Variants in ZC3H14 observed in about 807,000 individuals in gnomAD.
ZC3H14 encodes the protein zinc finger CCCH domain-containing protein 14.
A neutral mutation model predicts 92.4 loss-of-function variants in ZC3H14; 31 were observed. The observed-to-expected ratio is 0.34, with a 90% CI of 0.25 to 0.45. The LOEUF is 0.45. Ranked by LOEUF, ZC3H14 falls within the 20% of genes least tolerant of loss-of-function variation. The pLI, the probability that ZC3H14 is intolerant of heterozygous loss-of-function variation, is 1.00. For synonymous variants in ZC3H14, 321 were observed against 300.9 expected (o/e 1.07, Z -0.69); for missense variants, 781 against 897.3 (o/e 0.87, Z 1.66).
At chr14:88,597,206 T>C (rs2083954599) in intron 10 of ZC3H14, among the ~76,000 whole-genome samples, 1 of 152,142 alleles carries the variant, frequency 6.6e-6, no homozygotes, top group Non-Finnish European at 1.5e-5. Flanking sequence ...TGGAGTCTTA[T>C]CACCAGGGCC....
At chr14:88,574,081 A>T (rs1186755924) in intron 6 of ZC3H14, among the ~76,000 whole-genome samples, 2 of 152,114 alleles carry the variant, frequency 1.3e-5, no homozygotes, top group African/African-American at 4.8e-5. Flanking sequence ...GTTTCAATCA[A>T]TTTTAGATTG....
intron 9 of ZC3H14, among the ~76,000 whole-genome samples, chr14:88,581,657 G>A (rs1004263121): frequency 6.6e-6 from 1 of 152,154 alleles, no homozygotes; most frequent in Non-Finnish European, 1.5e-5. Context: ...TCCTGGAATG[G>A]CTCAACATCC....
chr14:88,607,193 C>T, intron 12 of ZC3H14, 50 bp from the exon 13 acceptor site: 1 of 1,613,366 alleles, frequency 6.2e-7, no homozygotes, highest in Non-Finnish European at 8.5e-7. Flanking sequence ...GTGCTGTGTA[C>T]TGAATTGATC....
rs1239834087 is a variant in ZC3H14, at chr14:88,616,756, CTT to C, written c.*5006_*5007del. ...TTTCTGGACATGGGAAGTCAAATAA[CTT>C]AACCATGCCAAAGTCATCTCCTGTA... On this transcript the variant is annotated 3_prime_UTR_variant, in exon 17 of 17. Coordinates refer to ENST00000251038, the MANE Select transcript of ZC3H14 (RefSeq NM_024824.5). The C allele has an allele frequency of 1.2e-6, 2 of 1,613,544 alleles. No individual in the cohort carries two copies. Among genetic ancestry groups the C allele is most frequent in the Admixed American group, 1.7e-5 (1 of 59,982 alleles).
At position 88,621,344 on chromosome 14, in the gene ZC3H14, G is replaced by A. The variant is rs770007064; in HGVS notation, c.*9593G>A. 3.1e-6 allele frequency: 5 copies of A among 1,604,922 alleles called. No homozygotes were observed. Among genetic ancestry groups the A allele is most frequent in the Non-Finnish European group, 4.3e-6 (5 of 1,172,904 alleles). On this transcript the variant is annotated 3_prime_UTR_variant, in exon 17 of 17. Coordinates refer to ENST00000251038, the MANE Select transcript of ZC3H14 (RefSeq NM_024824.5). Reference sequence around the variant, plus strand: ...CCAATACAGTGAATGTAATACAACAGCTGCTTTTCTTCTTCATAATATAAA... The same window carrying A: ...CCAATACAGTGAATGTAATACAACAACTGCTTTTCTTCTTCATAATATAAA...
chr14:88,606,590 G>A (rs1328134492), intron 12 of ZC3H14, among the ~76,000 whole-genome samples: 1 of 151,824 alleles, frequency 6.6e-6, no homozygotes, highest in Non-Finnish European at 1.5e-5. Context: ...GGCAACGTGG[G>A]GAAACCCTGT....
chr14:88,617,638 A>T lies in ZC3H14; in HGVS notation c.*5887A>T, dbSNP rs999534492. 1.9e-4 allele frequency: 29 copies of T among 152,164 alleles called. No homozygotes were observed. The highest frequency in any genetic ancestry group is 6.3e-4 in the African/African-American group (26 of 41,408). The allele number at this position is 152,164 out of a possible 1,614,324, so 9.4% of individuals were successfully genotyped here. ...AAAAATGACTTATGACATAGGAATT[A>T]AAAAAATTTCAGAGATGGGGTCTTG... On this transcript the variant is annotated 3_prime_UTR_variant, in exon 17 of 17. Coordinates refer to ENST00000251038, the MANE Select transcript of ZC3H14 (RefSeq NM_024824.5).
At chr14:88,611,319 C>G (rs1023067360) in intron 16 of ZC3H14, among the ~76,000 whole-genome samples, 3 of 152,016 alleles carry the variant, frequency 2.0e-5, no homozygotes, top group African/African-American at 7.3e-5. Flanking sequence ...TCTTGAACTC[C>G]TGAGCTGAAG....
At chr14:88,584,541 C>G (rs1247578899) in intron 9 of ZC3H14, among the ~76,000 whole-genome samples, 1 of 152,184 alleles carries the variant, frequency 6.6e-6, no homozygotes, top group Non-Finnish European at 1.5e-5. Flanking sequence ...GCAGTAATAG[C>G]TACATAAGAT....
chr14:88,589,991 A>G (rs1308929498), intron 9 of ZC3H14: 1 of 152,230 alleles, frequency 6.6e-6, no homozygotes, highest in Non-Finnish European at 1.5e-5. Context: ...TTAGCTGGGC[A>G]TGATGGCACA....
chr14:88,620,370 C>T lies in ZC3H14; in HGVS notation c.*8619C>T, dbSNP rs1461986160. The T allele has an allele frequency of 6.2e-6, 1 of 162,042 alleles. No individual in the cohort carries two copies. Among genetic ancestry groups the T allele is most frequent in the Non-Finnish European group, 1.3e-5 (1 of 75,078 alleles). 10.0% of individuals were successfully genotyped at this position (162,042 alleles called of 1,614,324 possible). A position where few individuals can be genotyped will look rare whatever the true frequency, so the allele number is the denominator to read the frequency against. ...AATTAATGAACTACATATTCCCAAA[C>T]TGAGGTTACTAAGAGAAGATATGTT... On this transcript the variant is annotated 3_prime_UTR_variant, in exon 17 of 17. Coordinates refer to ENST00000251038, the MANE Select transcript of ZC3H14 (RefSeq NM_024824.5). The surrounding 1 kb of genome is among the most constrained non-coding windows in gnomAD (Gnocchi z 4.3).
At position 88,615,148 on chromosome 14, in the gene ZC3H14, TCGAAAA is replaced by T. The variant is rs2087391606; in HGVS notation, c.*3398_*3403del. On this transcript the variant is annotated 3_prime_UTR_variant, in exon 17 of 17. Coordinates refer to ENST00000251038, the MANE Select transcript of ZC3H14 (RefSeq NM_024824.5). ...TGGCATCTGAACATAAACTGATGGC[TCGAAAA>T]TGAAAATGGAAATGTAGCAGCCATA... is the stretch of plus-strand genomic sequence containing the variant. 2 of 152,166 alleles carry T rather than the reference TCGAAAA, an allele frequency of 1.3e-5. No individual in the cohort carries two copies. The highest frequency in any genetic ancestry group is 1.3e-4 in the Admixed American group (2 of 15,268). 9.4% of individuals were successfully genotyped at this position (152,166 alleles called of 1,614,324 possible).
At chr14:88,588,972 G>A (rs2082772743) in intron 9 of ZC3H14, among the ~76,000 whole-genome samples, 1 of 152,014 alleles carries the variant, frequency 6.6e-6, no homozygotes, top group African/African-American at 2.4e-5. Flanking sequence ...CATCTCAACT[G>A]TCTGAAGATC....
intron 13 of ZC3H14, 116 bp from the exon 14 acceptor site, chr14:88,609,147 CTGTT>C: frequency 2.5e-6 from 3 of 1,178,264 alleles, no homozygotes; most frequent in Non-Finnish European, 3.6e-6. Flanking sequence ...CTTTTTGTTG[CTGTT>C]TTTTTTGCAT....
chr14:88,574,553 ATT>A, intron 6 of ZC3H14, 138 bp from the exon 7 acceptor site: 1 of 1,096,178 alleles, frequency 9.1e-7, no homozygotes, highest in Admixed American at 2.1e-5. Flanking sequence ...TCATATTTAT[ATT>A]TTTACATAAA....
Position 88,612,359 on chromosome 14 carries a change from C to T in ZC3H14, c.*608C>T, listed in dbSNP as rs1413948288. The T allele has an allele frequency of 1.3e-5, 2 of 155,726 alleles. No homozygotes were observed. The highest frequency in any genetic ancestry group is 4.8e-5 in the African/African-American group (2 of 41,448). 9.6% of individuals were successfully genotyped at this position (155,726 alleles called of 1,614,324 possible). A position where few individuals can be genotyped will look rare whatever the true frequency, so the allele number is the denominator to read the frequency against. ...TTCCCAGTTTTCCTGCCTTCTGTGA[C>T]AGGATGAATGAGGTGGGTATGGACA... On this transcript the variant is annotated 3_prime_UTR_variant, in exon 17 of 17. Coordinates refer to ENST00000251038, the MANE Select transcript of ZC3H14 (RefSeq NM_024824.5).
In ZC3H14 at chr14:88,571,089, A is replaced by G. The variant is rs1336918330; in HGVS notation, c.200A>G (p.His67Arg). 3.2e-6 allele frequency: 5 copies of G among 1,562,662 alleles called. No homozygotes were observed. Among genetic ancestry groups the G allele is most frequent in the Non-Finnish European group, 4.3e-6 (5 of 1,153,280 alleles). Residue 67 changes from histidine (H) to arginine (R), a missense_variant, in exon 4 of 17, where the codon CAT becomes CGT. Physicochemically the swap from His to Arg is conservative, Grantham distance 29 (BLOSUM62 0). Around this residue, in one of 3 missense-constraint regions of ZC3H14, gnomAD observed 106 missense variants for 154.2 expected, o/e 0.69. Transcript: ENST00000251038. The part of the protein sequence containing the change: ...NNTIRFTVWL[H>R]GVLDKLRSVT... ...TTTTTTGTTTTTTTCCTCAGGCTTC[A>G]TGGTGTATTAGATAAACTTCGCTCT...
At position 88,626,515 on chromosome 14, in the gene ZC3H14, T is replaced by A; in HGVS notation, c.*14764T>A. 1.1e-5 allele frequency: 3 copies of A among 267,478 alleles called. No homozygotes were observed. In the South Asian group the frequency reaches 1.7e-4, roughly 15 times the overall value. 16.6% of individuals were successfully genotyped at this position (267,478 alleles called of 1,614,324 possible). ...GTTCCTGCCCTGTAGTCCCAGCTAC[T>A]AAGGAGGCTGAGGATCACTTGAACC... On this transcript the variant is annotated 3_prime_UTR_variant, in exon 17 of 17. Coordinates refer to ENST00000251038, the MANE Select transcript of ZC3H14 (RefSeq NM_024824.5).
At position 88,618,128 on chromosome 14, in the gene ZC3H14, A is replaced by G. The variant is rs1321950313; in HGVS notation, c.*6377A>G. The G allele has an allele frequency of 1.1e-6, 1 of 920,366 alleles. No individual in the cohort carries two copies. The highest frequency in any genetic ancestry group is 2.6e-5 in the East Asian group (1 of 38,558). The allele number at this position is 920,366 out of a possible 1,614,324, so 57.0% of individuals were successfully genotyped here. The stretch of plus-strand genomic sequence containing the variant: ...TATGGTAACAAAAACTTGAAACTCA[A>G]TTACTATTCCTTATTGGAATGGCTC... On this transcript the variant is annotated 3_prime_UTR_variant, in exon 17 of 17. Transcript: ENST00000251038.
Sources: gnomAD v4.1 joint callset for allele counts (sites outside exome capture counted in the v4.1 genomes callset) on GRCh38, gnomAD v4.1.1 for gene constraint, gnomAD v4.1.1 regional missense constraint, Gnocchi (gnomAD v3.1) non-coding constraint, MANE v1.5 for transcripts, NCBI Gene and HGNC (gene_info 2026-07-23, HGNC 2026-07-21) for gene names.